PAK2: variants seen among roughly 807,000 people sequenced by gnomAD.
The protein encoded by PAK2 is p21 (RAC1) activated kinase 2.
PAK2 carries 21 observed loss-of-function variants against 65.9 expected under a neutral mutation model. That is an observed-to-expected ratio of 0.32 (90% CI 0.23 to 0.46). The LOEUF is 0.46. Ranked by LOEUF, PAK2 falls within the 20% of genes least tolerant of loss-of-function variation. The probability of loss-of-function intolerance (pLI) is 1.00; values close to 1 mark genes in which losing one functional copy is unlikely to be tolerated. For synonymous variants in PAK2, 204 were observed against 219.7 expected (o/e 0.93, Z 0.63); for missense variants, 324 against 642.6 (o/e 0.50, Z 5.36).
intron 2 of PAK2, among the ~76,000 whole-genome samples, chr3:196,796,739 G>A (rs1715271037): frequency 6.6e-6 from 1 of 151,922 alleles, no homozygotes; most frequent in African/African-American, 2.4e-5. Flanking sequence ...AAAATGAAAG[G>A]ATACAAAAAG....
intron 1 of PAK2, among the ~76,000 whole-genome samples, chr3:196,778,459 TACTA>T (rs764877194): frequency 2.0e-5 from 3 of 152,264 alleles, no homozygotes; most frequent in Admixed American, 1.3e-4. Flanking sequence ...TTGAGGAACT[TACTA>T]ACTCCCTTTT....
intron 1 of PAK2, among the ~76,000 whole-genome samples, chr3:196,760,690 A>G (rs939656225): frequency 1.3e-5 from 2 of 152,218 alleles, no homozygotes; most frequent in Admixed American, 6.5e-5. Context: ...ATGCATTCTT[A>G]TGCTATCCAA....
intron 1 of PAK2, among the ~76,000 whole-genome samples, chr3:196,744,177 GCCAGGACAATACAGGGGGA>G (rs1472980595): frequency 6.6e-6 from 1 of 152,064 alleles, no homozygotes; most frequent in African/African-American, 2.4e-5. Flanking sequence ...TTTGAGGTCA[GCCAGGACAATACAGGGGGA>G]CCCCATCTCT....
chr3:196,757,156 G>A (rs1577700177), intron 1 of PAK2, among the ~76,000 whole-genome samples: 1 of 152,156 alleles, frequency 6.6e-6, no homozygotes, highest in East Asian at 1.9e-4. Context: ...TGGGAAGGAC[G>A]GTTAGGAACA....
chr3:196,769,825 AAAAGAAAAAG>A, intron 1 of PAK2, among the ~76,000 whole-genome samples: 1 of 47,206 alleles, frequency 2.1e-5, no homozygotes, highest in South Asian at 5.6e-4. Context: ...TCAAAAAAGA[AAAAGAAAAAG>A]AAAAAGAAAT....
At chr3:196,768,492 A>ATGTATG (rs59164077) in intron 1 of PAK2, among the ~76,000 whole-genome samples, 165 of 149,368 alleles carry the variant, frequency 1.1e-3, no homozygotes, top group African/African-American at 3.6e-3. Flanking sequence ...TTTTATTTAT[A>ATGTATG]TATGTATGTA....
At chr3:196,815,179 CAAAAA>C (rs1006098764) in intron 11 of PAK2, among the ~76,000 whole-genome samples, 5 of 143,614 alleles carry the variant, frequency 3.5e-5, no homozygotes, top group Non-Finnish European at 7.6e-5. Flanking sequence ...GAGTCCGTCT[CAAAAA>C]AAAAGAAAAA....
At chr3:196,757,921 A>G (rs1713823439) in intron 1 of PAK2, among the ~76,000 whole-genome samples, 1 of 152,216 alleles carries the variant, frequency 6.6e-6, no homozygotes, top group South Asian at 2.1e-4. Flanking sequence ...TGTGATGAAC[A>G]AGATAAATGG....
At chr3:196,788,577 G>C (rs933775846) in intron 2 of PAK2, among the ~76,000 whole-genome samples, 10 of 152,158 alleles carry the variant, frequency 6.6e-5, no homozygotes, top group Admixed American at 6.6e-5. Flanking sequence ...TGATAAAGCA[G>C]ATAGTGTCCC....
At chr3:196,815,657 C>G (rs747478987) in intron 11 of PAK2, among the ~76,000 whole-genome samples, 23 of 151,826 alleles carry the variant, frequency 1.5e-4, no homozygotes, top group South Asian at 2.1e-4. Context: ...TGTGGTGGTA[C>G]GCGCCTGTAG....
At chr3:196,763,316 C>T (rs1714046908) in intron 1 of PAK2, among the ~76,000 whole-genome samples, 1 of 152,176 alleles carries the variant, frequency 6.6e-6, no homozygotes, top group South Asian at 2.1e-4. Flanking sequence ...CTGCTGGCCA[C>T]CTTCCCCTAT....
Position 196,812,652 on chromosome 3 carries a change from G to A in PAK2, c.823-87G>A, listed in dbSNP as rs762148488. Reference sequence around the variant, plus strand: ...AATAGCATGGTGTAATACAGTACACGTACCGTGAGTTATCAACTGCTTGGG... The same window carrying A: ...AATAGCATGGTGTAATACAGTACACATACCGTGAGTTATCAACTGCTTGGG... On this transcript the variant is annotated intron_variant, in intron 9 of 14. Transcript: ENST00000327134. 8.7e-5 allele frequency: 58 copies of A among 667,648 alleles called. 1 individual carries two copies. The Middle Eastern group carries it at 1.2e-3, about 14-fold the overall frequency. 41.4% of individuals were successfully genotyped at this position (667,648 alleles called of 1,614,324 possible).
intron 1 of PAK2, among the ~76,000 whole-genome samples, chr3:196,745,877 T>G (rs1313606812): frequency 6.6e-6 from 1 of 152,110 alleles, no homozygotes; most frequent in Admixed American, 6.6e-5. Context: ...ATTTTTATTA[T>G]CTTACTGGAC....
chr3:196,771,248 A>AT (rs1409275754), intron 1 of PAK2, among the ~76,000 whole-genome samples: 3 of 152,054 alleles, frequency 2.0e-5, no homozygotes, highest in African/African-American at 7.3e-5. Context: ...TTCATTGTTG[A>AT]TATCAAGAAG....
rs1712099448 is a variant in PAK2, at chr3:196,831,822, A to C, written c.*3417A>C. ...AGTGAAATGTCAGTGTCAAAATATTATAGATTATAGCTAAAATCCAGATTA... is the reference window on the plus strand; with the variant it reads ...AGTGAAATGTCAGTGTCAAAATATTCTAGATTATAGCTAAAATCCAGATTA... On this transcript the variant is annotated 3_prime_UTR_variant, in exon 15 of 15. Transcript: ENST00000327134. 2 of 152,228 alleles carry C rather than the reference A, an allele frequency of 1.3e-5. No individual in the cohort carries two copies. Among genetic ancestry groups the C allele is most frequent in the Admixed American group, 1.3e-4 (2 of 15,274 alleles). 9.4% of individuals were successfully genotyped at this position (152,228 alleles called of 1,614,324 possible). A position where few individuals can be genotyped will look rare whatever the true frequency, so the allele number is the denominator to read the frequency against.
At chr3:196,808,557 C>CAAAAAA (rs1208200034) in intron 7 of PAK2, among the ~76,000 whole-genome samples, 27 of 56,568 alleles carry the variant, frequency 4.8e-4, no homozygotes, top group South Asian at 6.4e-4. Context: ...GACTCCATCT[C>CAAAAAA]AAAAAAAAAA....
chr3:196,789,745 G>A (rs1234855519), intron 2 of PAK2, among the ~76,000 whole-genome samples: 4 of 152,172 alleles, frequency 2.6e-5, no homozygotes, highest in Non-Finnish European at 4.4e-5. Flanking sequence ...GATTACAGGC[G>A]TGAGCCACCG....
intron 5 of PAK2, 113 bp downstream of exon 5, chr3:196,805,496 A>C: frequency 1.8e-6 from 1 of 565,182 alleles, no homozygotes; most frequent in Non-Finnish European, 3.1e-6. Context: ...GAGGTAAATA[A>C]CTACTCAATA....
At chr3:196,816,917 A>C (rs1454678858) in intron 11 of PAK2, among the ~76,000 whole-genome samples, 1 of 152,156 alleles carries the variant, frequency 6.6e-6, no homozygotes, top group Non-Finnish European at 1.5e-5. Flanking sequence ...TTGTAGATAC[A>C]GCTTAATATA....
Sources: gnomAD v4.1 joint callset for allele counts (sites outside exome capture counted in the v4.1 genomes callset) on GRCh38, gnomAD v4.1.1 for gene constraint, MANE v1.5 for transcripts, NCBI Gene and HGNC (gene_info 2026-07-23, HGNC 2026-07-21) for gene names.